WWOX: variants seen among roughly 807,000 people sequenced by gnomAD.
WWOX encodes WW domain containing oxidoreductase.
A neutral mutation model predicts 46.2 loss-of-function variants in WWOX; 69 were observed. The ratio of observed to expected loss-of-function variants is 1.49; its 90% CI spans 1.23 to 1.82. WWOX has a LOEUF of 1.82. Ranked by LOEUF, WWOX falls within the 40% of genes most tolerant of loss-of-function variation. The pLI is 0.00. For synonymous variants in WWOX, 359 were observed against 202.6 expected (o/e 1.77, Z -6.56); for missense variants, 919 against 542.6 (o/e 1.69, Z -6.89).
At chr16:78,712,121 A>G (rs924378717) in intron 8 of WWOX, among the ~76,000 whole-genome samples, 1 of 152,116 alleles carries the variant, frequency 6.6e-6, no homozygotes, top group East Asian at 1.9e-4. Flanking sequence ...TGAGTGAGAA[A>G]ATGCTCTGAC....
chr16:78,185,149 G>A lies in WWOX; in HGVS notation c.516+20860G>A, dbSNP rs191489698. ...GCCAAGGAGTGGGCAGTAGTAGGGTGCTGTGTGTGTGTACAAACCCACCAT... is the reference window on the plus strand; with the variant it reads ...GCCAAGGAGTGGGCAGTAGTAGGGTACTGTGTGTGTGTACAAACCCACCAT... On this transcript the variant is annotated intron_variant, in intron 5 of 8. Transcript: ENST00000566780. 2.8e-3 allele frequency among the ~76,000 whole-genome samples: 425 copies of A among 152,280 alleles called. 5 individuals carry two copies. The highest frequency in any genetic ancestry group is 3.3e-3 in the Non-Finnish European group (222 of 68,040).
intron 8 of WWOX, among the ~76,000 whole-genome samples, chr16:79,059,280 C>G (rs1455107144): frequency 6.6e-6 from 1 of 152,074 alleles, no homozygotes; most frequent in South Asian, 2.1e-4. Context: ...GTAAAAGACA[C>G]CCTCATGTTG....
chr16:78,703,523 G>T (rs1033049619), intron 8 of WWOX, among the ~76,000 whole-genome samples: 5 of 152,084 alleles, frequency 3.3e-5, no homozygotes, highest in African/African-American at 1.2e-4. Flanking sequence ...GGAGGCTGAA[G>T]CAGGAGGATC....
rs541531024 is a variant in WWOX, at chr16:79,139,574, C to T, written c.1057-72034C>T. 2.6e-4 allele frequency among the ~76,000 whole-genome samples: 40 copies of T among 152,144 alleles called. 1 individual carries two copies. The South Asian group carries it at 8.3e-3, about 32-fold the overall frequency. ...AATCGAGCTGTGGAAGTCACGTGGGCTTTTTCTTTTTTCTTTTCTTTTTCT... is the reference window on the plus strand; with the variant it reads ...AATCGAGCTGTGGAAGTCACGTGGGTTTTTTCTTTTTTCTTTTCTTTTTCT... On this transcript the variant is annotated intron_variant, in intron 8 of 8. Transcript: ENST00000566780.
intron 5 of WWOX, among the ~76,000 whole-genome samples, chr16:78,221,102 C>G (rs1477575732): frequency 7.9e-5 from 12 of 152,112 alleles, no homozygotes; most frequent in Non-Finnish European, 1.8e-4. Flanking sequence ...CTCGGTTCAT[C>G]TGGATTTTAA....
intron 8 of WWOX, among the ~76,000 whole-genome samples, chr16:78,780,706 G>A (rs1404911429): frequency 6.6e-6 from 1 of 152,184 alleles, no homozygotes; most frequent in Non-Finnish European, 1.5e-5. Context: ...AAGGTGAACG[G>A]AAGTGCAGGG....
At chr16:79,035,877 G>A (rs545649971) in intron 8 of WWOX, among the ~76,000 whole-genome samples, 1 of 152,354 alleles carries the variant, frequency 6.6e-6, no homozygotes, top group South Asian at 2.1e-4. Flanking sequence ...TTACAGGCGT[G>A]AGCCACTACA....
intron 8 of WWOX, among the ~76,000 whole-genome samples, chr16:79,075,869 T>C (rs754125152): frequency 1.3e-5 from 2 of 152,190 alleles, no homozygotes; most frequent in Non-Finnish European, 2.9e-5. Flanking sequence ...TATTAAGTTA[T>C]TTTTCAGAAT....
At chr16:78,328,169 C>G (rs2080672003) in intron 5 of WWOX, among the ~76,000 whole-genome samples, 1 of 152,106 alleles carries the variant, frequency 6.6e-6, no homozygotes, top group Non-Finnish European at 1.5e-5. Flanking sequence ...GCCTCTGTAC[C>G]TGAGTTCTGA....
chr16:78,423,557 CTTGTA>C (rs1418363948), intron 6 of WWOX, among the ~76,000 whole-genome samples: 2 of 152,102 alleles, frequency 1.3e-5, no homozygotes, highest in Non-Finnish European at 2.9e-5. Flanking sequence ...GAAAGCCTTA[CTTGTA>C]TTGTTAACAA....
chr16:78,264,823 G>A (rs569136914), intron 5 of WWOX: 21 of 152,698 alleles, frequency 1.4e-4, no homozygotes, highest in African/African-American at 2.2e-4. Flanking sequence ...CTCATTAGAC[G>A]CCAGATCTGC....
chr16:78,378,846 C>T (rs1355826230), intron 5 of WWOX, among the ~76,000 whole-genome samples: 1 of 152,164 alleles, frequency 6.6e-6, no homozygotes, highest in Non-Finnish European at 1.5e-5. Flanking sequence ...TAAATTCTAA[C>T]TGGGTAAAAT....
At chr16:78,649,837 A>G (rs1350388259) in intron 8 of WWOX, among the ~76,000 whole-genome samples, 5 of 152,248 alleles carry the variant, frequency 3.3e-5, no homozygotes, top group South Asian at 2.1e-4. Flanking sequence ...TGATGGGCAT[A>G]CAGAGGAATT....
At position 78,748,490 on chromosome 16, in the gene WWOX, C is replaced by T. The variant is rs74029960; in HGVS notation, c.1056+315738C>T. 8.9e-3 allele frequency among the ~76,000 whole-genome samples: 1,352 copies of T among 152,254 alleles called. 19 individuals carry two copies. Among genetic ancestry groups the T allele is most frequent in the African/African-American group, 0.03 (1,259 of 41,552 alleles). On this transcript the variant is annotated intron_variant, in intron 8 of 8. Transcript: ENST00000566780. Reference sequence around the variant, plus strand: ...CATGCTGGCTGTAAAGTTCACCTTTCGGCTCCTTTCTGCCATTCTTATTAG... The same window carrying T: ...CATGCTGGCTGTAAAGTTCACCTTTTGGCTCCTTTCTGCCATTCTTATTAG...
At chr16:78,600,853 C>G (rs548978825) in intron 8 of WWOX, among the ~76,000 whole-genome samples, 29 of 152,242 alleles carry the variant, frequency 1.9e-4, no homozygotes, top group Non-Finnish European at 3.7e-4. Flanking sequence ...AGGTGACTCA[C>G]GCCTAGAATC....
At chr16:79,166,073 G>A (rs1003678869) in intron 8 of WWOX, among the ~76,000 whole-genome samples, 3 of 152,206 alleles carry the variant, frequency 2.0e-5, no homozygotes, top group African/African-American at 7.2e-5. Context: ...CAGCAGCATA[G>A]ACCAGCTTTA....
chr16:78,847,268 T>C (rs1274136050), intron 8 of WWOX, among the ~76,000 whole-genome samples: 5 of 152,344 alleles, frequency 3.3e-5, no homozygotes, highest in Middle Eastern at 3.4e-3. Context: ...TTTAGAAATA[T>C]GTGTATTATA....
chr16:78,248,314 C>G (rs951110250), intron 5 of WWOX, among the ~76,000 whole-genome samples: 7 of 152,158 alleles, frequency 4.6e-5, no homozygotes, highest in African/African-American at 7.2e-5. Context: ...GTGCAAAACA[C>G]TTTTCAACAA....
chr16:78,435,697 G>A (rs780054087), intron 8 of WWOX, among the ~76,000 whole-genome samples: 1 of 152,114 alleles, frequency 6.6e-6, no homozygotes, highest in Non-Finnish European at 1.5e-5. Context: ...ACAAGAAAGT[G>A]GCAACCTGGG....
Sources: gnomAD v4.1 joint callset for allele counts (sites outside exome capture counted in the v4.1 genomes callset) on GRCh38, gnomAD v4.1.1 for gene constraint, MANE v1.5 for transcripts, NCBI Gene and HGNC (gene_info 2026-07-23, HGNC 2026-07-21) for gene names.